Variants in NR2F1-AS1 observed in about 807,000 individuals in gnomAD.
The protein encoded by NR2F1-AS1 is NR2F1 antisense RNA 1.
chr5:93,583,795 CTTTTCCT>C (rs1366181776), upstream of NR2F1-AS1: 3 of 152,158 alleles, frequency 2.0e-5, no homozygotes, highest in African/African-American at 4.8e-5. Flanking sequence ...GTCTCTCTCG[CTTTTCCT>C]TTTTCCTTTT....
intron 4 of NR2F1-AS1, among the ~76,000 whole-genome samples, chr5:93,482,339 T>C (rs1750617995): frequency 6.6e-6 from 1 of 152,046 alleles, no homozygotes; most frequent in African/African-American, 2.4e-5. Flanking sequence ...ACCCAGGAAG[T>C]GCAAGGGGTC....
At chr5:93,469,716 G>A (rs1561454702) in intron 4 of NR2F1-AS1, among the ~76,000 whole-genome samples, 1 of 152,022 alleles carries the variant, frequency 6.6e-6, no homozygotes, top group African/African-American at 2.4e-5. Flanking sequence ...TCTATCTGAT[G>A]CATAAATCTC....
intron 4 of NR2F1-AS1, among the ~76,000 whole-genome samples, chr5:93,483,370 G>T (rs558310061): frequency 8.7e-4 from 132 of 152,166 alleles, no homozygotes; most frequent in Middle Eastern, 6.8e-3. Flanking sequence ...ACTATTAGAA[G>T]GAAAACTAAC....
chr5:93,546,339 A>T (rs762739184), intron 4 of NR2F1-AS1, among the ~76,000 whole-genome samples: 2 of 152,170 alleles, frequency 1.3e-5, no homozygotes, highest in African/African-American at 2.4e-5. Context: ...AATTTTCCAA[A>T]ACTCTTCTCA....
At chr5:93,434,488 C>T (rs947924476) in intron 4 of NR2F1-AS1, among the ~76,000 whole-genome samples, 6 of 152,212 alleles carry the variant, frequency 3.9e-5, no homozygotes, top group African/African-American at 1.4e-4. Context: ...CTATGTATAA[C>T]TTTTTTCTCT....
intron 4 of NR2F1-AS1, among the ~76,000 whole-genome samples, chr5:93,451,126 T>G (rs1749820809): frequency 6.6e-6 from 1 of 152,012 alleles, no homozygotes; most frequent in Non-Finnish European, 1.5e-5. Context: ...GATAATCTAG[T>G]TAACATTTTC....
chr5:93,575,472 T>TTTTTTTTTTTTTTTTTTTTTGAGACGG (rs1752875245), intron 1 of NR2F1-AS1, among the ~76,000 whole-genome samples: 1 of 152,230 alleles, frequency 6.6e-6, no homozygotes, highest in African/African-American at 2.4e-5. Flanking sequence ...GTAAAACTTT[T>TTTTTTTTTTTTTTTTTTTTTGAGACGG]AAACTGCCTA....
intron 4 of NR2F1-AS1, among the ~76,000 whole-genome samples, chr5:93,503,581 G>T (rs539455229): frequency 6.6e-6 from 1 of 152,304 alleles, no homozygotes; most frequent in African/African-American, 2.4e-5. Context: ...AGAGGTCACT[G>T]TGCCTAAACA....
chr5:93,571,187 G>A (rs1483827815), intron 1 of NR2F1-AS1: 1 of 152,142 alleles, frequency 6.6e-6, no homozygotes, highest in African/African-American at 2.4e-5. Context: ...AAGGCCTGGG[G>A]CCTTCAGGAA....
intron 4 of NR2F1-AS1, among the ~76,000 whole-genome samples, chr5:93,518,272 G>A (rs1257566509): frequency 1.3e-5 from 2 of 152,122 alleles, no homozygotes; most frequent in Non-Finnish European, 2.9e-5. Context: ...CTCCAGACCT[G>A]AGGCTGTGTA....
Position 93,529,998 on chromosome 5 carries a change from C to T in NR2F1-AS1, n.638+23763G>A, listed in dbSNP as rs145306168. 3.4e-3 allele frequency among the ~76,000 whole-genome samples: 511 copies of T among 150,730 alleles called. 4 individuals carry two copies. Among genetic ancestry groups the T allele is most frequent in the African/African-American group, 0.012 (477 of 41,070 alleles). ...AATAAATCACAGAAGTCATAAAAGA[C>T]AGACTCAAGCTCAGATTTTAATATC... On this transcript the variant is annotated intron_variant and non_coding_transcript_variant, in intron 4 of 5. Coordinates refer to ENST00000660523, the Ensembl canonical transcript of NR2F1-AS1.
intron 4 of NR2F1-AS1, among the ~76,000 whole-genome samples, chr5:93,499,913 C>T (rs1751043066): frequency 6.6e-6 from 1 of 152,160 alleles, no homozygotes; most frequent in South Asian, 2.1e-4. Flanking sequence ...AAGCCAAAAC[C>T]TAATCCACAT....
At chr5:93,582,286 AG>A (rs1208227958), upstream of NR2F1-AS1, among the ~76,000 whole-genome samples, 1,518 of 150,036 alleles carry the variant, frequency 0.01, 13 homozygotes, top group South Asian at 0.015. Context: ...AAAAAAAAAA[AG>A]AAGAAGGAAA....
rs146815229 is a variant in NR2F1-AS1, at chr5:93,493,020, T to C, written n.638+60741A>G. On this transcript the variant is annotated intron_variant and non_coding_transcript_variant, in intron 4 of 5. Coordinates refer to ENST00000660523, the Ensembl canonical transcript of NR2F1-AS1. ...CTTTGACCACTGCTATTTGACACTG[T>C]ACTGGAAGTTCTAATCAAAGGAATG... 2.1e-3 allele frequency among the ~76,000 whole-genome samples: 322 copies of C among 152,254 alleles called. 1 individual carries two copies. The highest frequency in any genetic ancestry group is 6.9e-3 in the African/African-American group (285 of 41,558).
intron 4 of NR2F1-AS1, among the ~76,000 whole-genome samples, chr5:93,479,427 C>CA (rs1261845841): frequency 2.6e-5 from 4 of 152,104 alleles, no homozygotes; most frequent in Non-Finnish European, 5.9e-5. Context: ...ATGAAGATAA[C>CA]AAAACATAGG....
At chr5:93,425,038 T>G (rs1241739508) in intron 4 of NR2F1-AS1, among the ~76,000 whole-genome samples, 1 of 152,238 alleles carries the variant, frequency 6.6e-6, no homozygotes, top group Admixed American at 6.5e-5. Flanking sequence ...ATATAAATTC[T>G]GTGTATCAGC....
intron 4 of NR2F1-AS1, among the ~76,000 whole-genome samples, chr5:93,420,331 G>C (rs1440597183): frequency 6.6e-6 from 1 of 152,216 alleles, no homozygotes; most frequent in Admixed American, 6.5e-5. Flanking sequence ...GCAGTAAGCT[G>C]AGCTAGCCCA....
At chr5:93,566,968 T>C (rs1433447869) in intron 1 of NR2F1-AS1, among the ~76,000 whole-genome samples, 1 of 152,044 alleles carries the variant, frequency 6.6e-6, no homozygotes, top group Non-Finnish European at 1.5e-5. Context: ...GAAAACCTTA[T>C]TATACAAAAT....
At chr5:93,513,077 A>C (rs1476445478) in intron 4 of NR2F1-AS1, among the ~76,000 whole-genome samples, 1 of 152,160 alleles carries the variant, frequency 6.6e-6, no homozygotes, top group Non-Finnish European at 1.5e-5. Context: ...CAACATCACT[A>C]ATCATCAGAG....
Sources: allele counts gnomAD v4.1 joint callset (sites outside exome capture counted in the v4.1 genomes callset), GRCh38; gene constraint gnomAD v4.1.1; transcripts MANE v1.5; gene names NCBI Gene and HGNC (gene_info 2026-07-23, HGNC 2026-07-21).